Variants in CLVS1 observed in about 807,000 individuals in gnomAD.
The protein encoded by CLVS1 is clavesin 1.
A neutral mutation model predicts 33.1 loss-of-function variants in CLVS1; 10 were observed. The ratio of observed to expected loss-of-function variants is 0.30; its 90% confidence interval spans 0.19 to 0.51. The LOEUF is 0.51. CLVS1 is among the 20% of genes least tolerant of loss of function. The pLI, the probability that CLVS1 is intolerant of heterozygous loss-of-function variation, is 0.97. For synonymous variants in CLVS1, 163 were observed against 166.1 expected (o/e 0.98, Z 0.14); for missense variants, 343 against 433.4 (o/e 0.79, Z 1.85).
chr8:61,275,019 G>T (rs1809534930), intron 2 of CLVS1, among the ~76,000 whole-genome samples: 1 of 151,984 alleles, frequency 6.6e-6, no homozygotes, highest in African/African-American at 2.4e-5. Flanking sequence ...AATATAAATT[G>T]CTCAGATGCT....
intron 2 of CLVS1, among the ~76,000 whole-genome samples, chr8:61,254,142 A>G (rs572991145): frequency 6.6e-6 from 1 of 151,218 alleles, no homozygotes; most frequent in East Asian, 1.9e-4. Context: ...TCTAACAGTC[A>G]GGACCCTCAG....
intron 2 of CLVS1, among the ~76,000 whole-genome samples, chr8:61,209,903 G>T (rs571905513): frequency 1.3e-5 from 2 of 152,218 alleles, no homozygotes; most frequent in East Asian, 3.9e-4. Context: ...TGGCAAAAGT[G>T]ATGGGATGTA....
intron 2 of CLVS1, among the ~76,000 whole-genome samples, chr8:61,153,705 A>T (rs1005041848): frequency 6.6e-6 from 1 of 152,122 alleles, no homozygotes; most frequent in African/African-American, 2.4e-5. Flanking sequence ...GGGCTGGGAA[A>T]GGAGATGGGG....
At chr8:61,293,000 A>G (rs969487285) in intron 1 of CLVS1, among the ~76,000 whole-genome samples, 7 of 152,168 alleles carry the variant, frequency 4.6e-5, no homozygotes, top group Non-Finnish European at 8.8e-5. Flanking sequence ...CTCTACTCTG[A>G]TGGAGCTCAT....
At chr8:61,313,491 G>C (rs866961186) in intron 2 of CLVS1, among the ~76,000 whole-genome samples, 3 of 152,322 alleles carry the variant, frequency 2.0e-5, no homozygotes, top group Middle Eastern at 6.8e-3. Context: ...GATTGGAATA[G>C]ATATGAGCAT....
At position 61,145,020 on chromosome 8, in the gene CLVS1, C is replaced by T. The variant is rs150717828; in HGVS notation, c.-152+13160C>T. Among the ~76,000 whole-genome samples, 43 of 152,310 alleles carry T rather than the reference C, an allele frequency of 2.8e-4. No individual in the cohort carries two copies. In the East Asian group the frequency reaches 6.9e-3, roughly 25 times the overall value. On this transcript the variant is annotated intron_variant, in intron 2 of 2. Coordinates refer to the CLVS1 transcript ENST00000522621. ...TGCTGGGATTACAGGTGTGAGCCAC[C>T]GCACCCGGCCAATGAGCTTTTTTCC...
the CLVS1 span, among the ~76,000 whole-genome samples, chr8:61,045,712 A>T: frequency 0.1 from 15,154 of 152,240 alleles, 917 homozygotes; most frequent in East Asian, 0.27. Flanking sequence ...GGAAATTCGT[A>T]TATTCCACCC....
intron 1 of CLVS1, among the ~76,000 whole-genome samples, chr8:61,073,036 A>G (rs1804828411): frequency 6.6e-6 from 1 of 152,072 alleles, no homozygotes; most frequent in Non-Finnish European, 1.5e-5. Flanking sequence ...TGATTTTTAC[A>G]CTTATTATAT....
At chr8:61,458,794 C>A in intron 5 of CLVS1, 1 of 351,502 alleles carries the variant, frequency 2.8e-6, no homozygotes, top group South Asian at 7.5e-5. Flanking sequence ...ACAATTATAG[C>A]CCTGGTCTTC....
chr8:61,443,000 T>G (rs1350145899), intron 3 of CLVS1, among the ~76,000 whole-genome samples: 2 of 152,212 alleles, frequency 1.3e-5, no homozygotes, highest in African/African-American at 4.8e-5. Context: ...ATGTGAAATA[T>G]CTTCTCATGT....
chr8:61,393,313 T>A (rs917775677), intron 3 of CLVS1, among the ~76,000 whole-genome samples: 3 of 150,626 alleles, frequency 2.0e-5, no homozygotes, highest in African/African-American at 7.3e-5. Flanking sequence ...ATCCTGTATT[T>A]AAAAAAAAAA....
At chr8:61,035,599 C>G in the CLVS1 span, among the ~76,000 whole-genome samples, 1 of 152,178 alleles carries the variant, frequency 6.6e-6, no homozygotes, top group Non-Finnish European at 1.5e-5. Flanking sequence ...AAAAAGGAAG[C>G]TCTGTTTAGT....
intron 2 of CLVS1, among the ~76,000 whole-genome samples, chr8:61,281,051 T>G (rs1341478063): frequency 6.6e-6 from 1 of 152,244 alleles, no homozygotes; most frequent in Non-Finnish European, 1.5e-5. Context: ...AAATCTATAC[T>G]CAGAAACTTG....
chr8:61,254,099 G>A (rs1159663422), intron 2 of CLVS1, among the ~76,000 whole-genome samples: 1 of 152,082 alleles, frequency 6.6e-6, no homozygotes, highest in African/African-American at 2.4e-5. Context: ...TGGGATTTTG[G>A]TGTGGATGTC....
chr8:61,226,193 T>A (rs1327199334), intron 2 of CLVS1, among the ~76,000 whole-genome samples: 1 of 152,246 alleles, frequency 6.6e-6, no homozygotes, highest in Non-Finnish European at 1.5e-5. Flanking sequence ...CAGAGATGCA[T>A]ACTGAAGTAA....
intron 2 of CLVS1, among the ~76,000 whole-genome samples, chr8:61,254,853 A>G (rs1258585299): frequency 6.6e-6 from 1 of 152,052 alleles, no homozygotes; most frequent in Non-Finnish European, 1.5e-5. Flanking sequence ...GAATTCCCCA[A>G]CCCCTTGAAC....
chr8:60,981,878 C>T, the CLVS1 span, among the ~76,000 whole-genome samples: 10 of 152,346 alleles, frequency 6.6e-5, no homozygotes, highest in Admixed American at 1.3e-4. Context: ...GGAGGCGCGA[C>T]GAATTAGATG....
chr8:61,052,227 C>G (rs1804397706), upstream of CLVS1, among the ~76,000 whole-genome samples: 1 of 152,242 alleles, frequency 6.6e-6, no homozygotes, highest in Admixed American at 6.5e-5. Flanking sequence ...CCACCTCCCC[C>G]TGTGGCACCC....
intron 2 of CLVS1, among the ~76,000 whole-genome samples, chr8:61,343,356 T>G (rs939443204): frequency 2.0e-5 from 3 of 152,208 alleles, no homozygotes; most frequent in Admixed American, 6.5e-5. Flanking sequence ...TAGATCCACC[T>G]TTAGAACAAG....
Sources: allele counts gnomAD v4.1 joint callset (sites outside exome capture counted in the v4.1 genomes callset), GRCh38; gene constraint gnomAD v4.1.1; transcripts MANE v1.5; gene names NCBI Gene and HGNC (gene_info 2026-07-23, HGNC 2026-07-21).